The following FHIT variants were observed in gnomAD, a reference collection of about 807,000 sequenced individuals.
FHIT encodes the protein bis(5'-adenosyl)-triphosphatase.
A neutral mutation model predicts 17.9 loss-of-function variants in FHIT; 19 were observed. That is an observed-to-expected ratio of 1.06 (90% CI 0.74 to 1.56). The LOEUF is 1.56. FHIT is among the 40% of genes most tolerant of loss of function. FHIT has a pLI of 0.00. For missense variants in FHIT, 248 were observed against 189.2 expected, an observed-to-expected ratio of 1.31 and a Z score of -1.82; for synonymous variants, 81 against 69.7, an observed-to-expected ratio of 1.16 and a Z score of -0.81.
chr3:60,058,782 G>C (rs915227699), intron 5 of FHIT, among the ~76,000 whole-genome samples: 1 of 152,148 alleles, frequency 6.6e-6, no homozygotes, highest in Non-Finnish European at 1.5e-5. Context: ...GGCCAAAAAA[G>C]ATAAATAACA....
intron 2 of FHIT, among the ~76,000 whole-genome samples, chr3:61,193,854 T>G (rs9884072): frequency 0.33 from 50,126 of 152,054 alleles, 8,984 homozygotes; most frequent in East Asian, 0.53. Flanking sequence ...AAAAGACAGG[T>G]CAGCAAGAGA....
At chr3:59,957,596 GATGATGAATGTAATAAC>G (rs946375066) in intron 7 of FHIT, among the ~76,000 whole-genome samples, 3 of 152,174 alleles carry the variant, frequency 2.0e-5, no homozygotes, top group Admixed American at 1.3e-4. Context: ...CTGAAATAAT[GATGATGAATGTAATAAC>G]ATCTCAGGAG....
intron 5 of FHIT, among the ~76,000 whole-genome samples, chr3:60,370,147 A>C (rs1233286028): frequency 6.6e-6 from 1 of 152,194 alleles, no homozygotes; most frequent in Non-Finnish European, 1.5e-5. Context: ...AGCTGCTAGA[A>C]AAACTTACGT....
At chr3:60,100,841 G>C (rs1357480876) in intron 5 of FHIT, among the ~76,000 whole-genome samples, 1 of 151,582 alleles carries the variant, frequency 6.6e-6, no homozygotes, top group Non-Finnish European at 1.5e-5. Flanking sequence ...ACATCTCCTT[G>C]TTTCATTTAA....
intron 8 of FHIT, among the ~76,000 whole-genome samples, chr3:59,887,967 A>G (rs1703696816): frequency 6.6e-6 from 1 of 150,620 alleles, no homozygotes; most frequent in Non-Finnish European, 1.5e-5. Flanking sequence ...TTTAGCCTGA[A>G]GGAGAGATAC....
At chr3:60,928,320 T>TAA (rs112223579) in intron 3 of FHIT, among the ~76,000 whole-genome samples, 17 of 69,152 alleles carry the variant, frequency 2.5e-4, no homozygotes, top group South Asian at 7.7e-4. Flanking sequence ...CTAAAAAAAT[T>TAA]AAAAAAAAAA....
intron 4 of FHIT, among the ~76,000 whole-genome samples, chr3:60,744,894 C>G (rs140194649): frequency 6.6e-6 from 1 of 152,268 alleles, no homozygotes; most frequent in East Asian, 1.9e-4. Context: ...AAGCACCAAG[C>G]ATTGTGCTGA....
chr3:61,059,251 C>T (rs1337101826), intron 2 of FHIT, among the ~76,000 whole-genome samples: 5 of 152,130 alleles, frequency 3.3e-5, no homozygotes, highest in Non-Finnish European at 7.4e-5. Context: ...AGTATCCCAT[C>T]GACCACAGCT....
At chr3:60,827,361 C>CTT (rs1393367855) in intron 3 of FHIT, among the ~76,000 whole-genome samples, 1 of 152,204 alleles carries the variant, frequency 6.6e-6, no homozygotes. Context: ...GCTCTCATTG[C>CTT]TTGGCCTCCA....
intron 5 of FHIT, among the ~76,000 whole-genome samples, chr3:60,043,948 G>A (rs1035991280): frequency 3.9e-5 from 6 of 152,122 alleles, no homozygotes; most frequent in Non-Finnish European, 7.3e-5. Context: ...CAAACGACAG[G>A]CCAACGTGGT....
At chr3:60,154,954 T>A (rs529317227) in intron 5 of FHIT, among the ~76,000 whole-genome samples, 1 of 151,956 alleles carries the variant, frequency 6.6e-6, no homozygotes, top group Non-Finnish European at 1.5e-5. Flanking sequence ...AATCCGAGCA[T>A]CTTGGGAGGC....
At chr3:60,966,820 T>C (rs576487158) in intron 3 of FHIT, among the ~76,000 whole-genome samples, 1 of 152,338 alleles carries the variant, frequency 6.6e-6, no homozygotes, top group South Asian at 2.1e-4. Flanking sequence ...TTTAGGTTGG[T>C]AATTAATTGG....
At chr3:60,340,032 G>A (rs1179648060) in intron 5 of FHIT, among the ~76,000 whole-genome samples, 3 of 151,984 alleles carry the variant, frequency 2.0e-5, no homozygotes, top group Non-Finnish European at 4.4e-5. Flanking sequence ...TTATGCTCTG[G>A]CACAGGTTCT....
At chr3:61,190,186 C>G (rs1301050298) in intron 2 of FHIT, among the ~76,000 whole-genome samples, 1 of 152,212 alleles carries the variant, frequency 6.6e-6, no homozygotes, top group East Asian at 1.9e-4. Flanking sequence ...ATCTACTCAT[C>G]TGACAAAGGG....
intron 5 of FHIT, among the ~76,000 whole-genome samples, chr3:60,162,069 T>C (rs1341971501): frequency 6.6e-6 from 1 of 151,986 alleles, no homozygotes; most frequent in Non-Finnish European, 1.5e-5. Flanking sequence ...GTTAGAAAAG[T>C]ATGGAAAGCC....
chr3:60,681,908 C>G (rs907392218), intron 4 of FHIT, among the ~76,000 whole-genome samples: 27 of 151,988 alleles, frequency 1.8e-4, no homozygotes, highest in African/African-American at 6.3e-4. Flanking sequence ...TATATAGATG[C>G]TGCAGCAAGT....
At chr3:60,986,600 T>G (rs921637478) in intron 3 of FHIT, among the ~76,000 whole-genome samples, 3 of 152,236 alleles carry the variant, frequency 2.0e-5, no homozygotes, top group Non-Finnish European at 4.4e-5. Context: ...TCTCTATTGC[T>G]GACAACTATC....
At chr3:60,844,914 A>G (rs1232760687) in intron 3 of FHIT, among the ~76,000 whole-genome samples, 1 of 152,064 alleles carries the variant, frequency 6.6e-6, no homozygotes, top group Admixed American at 6.6e-5. Context: ...CTGAGGGTGC[A>G]TATTTATTCA....
chr3:60,343,804 GC>G (rs1406269116), intron 5 of FHIT, among the ~76,000 whole-genome samples: 5 of 152,064 alleles, frequency 3.3e-5, no homozygotes, highest in African/African-American at 4.8e-5. Context: ...TCCTTTAAAA[GC>G]CCTGGACTGT....
Sources: allele counts gnomAD v4.1 joint callset (sites outside exome capture counted in the v4.1 genomes callset), GRCh38; gene constraint gnomAD v4.1.1; transcripts MANE v1.5; gene names NCBI Gene and HGNC (gene_info 2026-07-23, HGNC 2026-07-21).